Variants in CFAP47 observed in about 807,000 individuals in gnomAD.
CFAP47 encodes cilia- and flagella-associated protein 47.
A neutral mutation model predicts 148.1 loss-of-function variants in CFAP47; 29 were observed. That is an observed-to-expected ratio of 0.20 (90% confidence interval 0.15 to 0.27). The LOEUF (loss-of-function observed/expected upper bound fraction) is 0.27. Ranked by LOEUF, CFAP47 falls within the 10% of genes least tolerant of loss-of-function variation. CFAP47 has a pLI of 1.00. For synonymous variants in CFAP47, 664 were observed against 577.3 expected, an observed-to-expected ratio of 1.15 and a Z score of -2.15; for missense variants, 1,872 against 1,697.5, an observed-to-expected ratio of 1.10 and a Z score of -1.81.
chrX:36,376,266 C>CT (rs1484318344), intron 62 of CFAP47, among the ~76,000 whole-genome samples: 1 of 112,047 alleles, frequency 8.9e-6, no homozygotes, highest in Non-Finnish European at 1.9e-5. Flanking sequence ...TGGTTTATTT[C>CT]TTTTTTCAGA....
At chrX:36,162,253 A>G (rs1325557680) in intron 39 of CFAP47, among the ~76,000 whole-genome samples, 4 of 112,097 alleles carry the variant, frequency 3.6e-5, no homozygotes, top group East Asian at 2.8e-4. Context: ...GATTTTAACT[A>G]TATCCTTCCT....
intron 30 of CFAP47, among the ~76,000 whole-genome samples, chrX:36,087,320 G>A (rs765794675): frequency 1.8e-5 from 2 of 112,419 alleles, no homozygotes; most frequent in South Asian, 7.4e-4. Flanking sequence ...CATCTGGCAT[G>A]GATAGGTGGG....
At chrX:36,290,893 TA>T (rs1239803913) in intron 51 of CFAP47, among the ~76,000 whole-genome samples, 1 of 112,624 alleles carries the variant, frequency 8.9e-6, no homozygotes, top group African/African-American at 3.2e-5. Flanking sequence ...ATTTATTCTT[TA>T]TTGGTTATTA....
At position 36,020,485 on chromosome X, in the gene CFAP47, A is replaced by C. The variant is rs1437234002; in HGVS notation, c.3556+5573A>C. The stretch of plus-strand genomic sequence containing the variant: ...CAGATCTATTTGTTTCTTTAGGTCT[A>C]ATAATATTTGCTTTGTATATCTGAG... On this transcript the variant is annotated intron_variant, in intron 22 of 63. Coordinates refer to ENST00000378653, the MANE Select transcript of CFAP47 (RefSeq NM_001304548.2). Among the ~76,000 whole-genome samples, 4 of 111,927 alleles carry C rather than the reference A, an allele frequency of 3.6e-5. 1 individual carries two copies. The highest frequency in any genetic ancestry group is 3.2e-5 in the African/African-American group (1 of 30,790).
chrX:36,012,063 A>G (rs1286977571), intron 21 of CFAP47, among the ~76,000 whole-genome samples: 1 of 111,962 alleles, frequency 8.9e-6, no homozygotes, highest in African/African-American at 3.3e-5. Context: ...AAGCATTAAA[A>G]AAACATCATC....
At position 35,919,777 on chromosome X, in the gene CFAP47, T is replaced by C. The variant is rs769951761; in HGVS notation, c.-23T>C. On this transcript the variant is annotated 5_prime_UTR_variant, in exon 1 of 64. Transcript: ENST00000378653. ...TTGGCCGGACGGATCCACATCTGTT[T>C]TCTGGCTACCGAGAGGGCAGCCATG... The C allele has an allele frequency of 3.2e-5, 38 of 1,186,622 alleles. No homozygotes were observed. The highest frequency in any genetic ancestry group is 3.7e-5 in the Non-Finnish European group (33 of 880,909).
intron 7 of CFAP47, 39 bp from the exon 8 acceptor site, chrX:35,955,922 A>G (rs1166408661): frequency 8.4e-7 from 1 of 1,196,908 alleles, no homozygotes; most frequent in African/African-American, 1.8e-5. Flanking sequence ...GGATTCCCCA[A>G]ACACTTTTTA....
At position 35,941,301 on chromosome X, in the gene CFAP47, A is replaced by G; in HGVS notation, c.420A>G (p.Gln140=). The change falls in exon 3 of 64, where the codon CAA becomes CAG. Residue 140 remains glutamine, a synonymous_variant. Transcript: ENST00000378653. ...TCCCTAGGTTGATTCCATCCTGTCA[A>G]TTGGAAATTGAATCAGTAGTTAATT... ...IPLIGLIPSC[Q]LEIESVVNFG... is the part of the protein sequence containing the mutation. 1 of 1,160,308 alleles carries G rather than the reference A, an allele frequency of 8.6e-7. No individual in the cohort carries two copies.
intron 3 of CFAP47, among the ~76,000 whole-genome samples, chrX:35,944,316 A>G (rs975413608): frequency 9.0e-6 from 1 of 111,269 alleles, no homozygotes; most frequent in African/African-American, 3.3e-5. Context: ...GCATCTCCAT[A>G]TATTCTTCAT....
chrX:36,368,444 G>C (rs1394137456), intron 62 of CFAP47, among the ~76,000 whole-genome samples: 5 of 110,961 alleles, frequency 4.5e-5, no homozygotes, highest in Admixed American at 9.7e-5. Context: ...GGTAAAGTCA[G>C]TTAAATTTAG....
chrX:36,117,986 A>G (rs759396173), intron 33 of CFAP47, among the ~76,000 whole-genome samples: 2 of 111,748 alleles, frequency 1.8e-5, no homozygotes, highest in Non-Finnish European at 3.8e-5. Context: ...AGAACCATTT[A>G]TTGAAGAGAC....
chrX:36,274,511 A>T (rs1556002348), intron 49 of CFAP47, among the ~76,000 whole-genome samples: 6 of 111,671 alleles, frequency 5.4e-5, no homozygotes. Flanking sequence ...TTGCAAATTG[A>T]GGGGCATCTA....
At chrX:36,312,353 G>C (rs1460228144) in intron 56 of CFAP47, among the ~76,000 whole-genome samples, 1 of 111,147 alleles carries the variant, frequency 9.0e-6, no homozygotes, top group African/African-American at 3.3e-5. Context: ...AATTTGAAGA[G>C]TGGAGTGGTG....
intron 49 of CFAP47, among the ~76,000 whole-genome samples, chrX:36,274,785 G>GA (rs1313018448): frequency 1.3e-4 from 15 of 111,426 alleles, no homozygotes; most frequent in Non-Finnish European, 2.5e-4. Context: ...CATATAAAAA[G>GA]AAAAAAATAT....
intron 55 of CFAP47, among the ~76,000 whole-genome samples, chrX:36,308,340 T>A (rs1475769455): frequency 9.0e-6 from 1 of 111,463 alleles, no homozygotes; most frequent in African/African-American, 3.2e-5. Context: ...TGATTAGACT[T>A]CAATCAATAA....
chrX:36,078,817 G>T (rs915387186), intron 29 of CFAP47, among the ~76,000 whole-genome samples: 2 of 110,687 alleles, frequency 1.8e-5, no homozygotes, highest in Non-Finnish European at 3.8e-5. Context: ...GCTGGTACCG[G>T]TTGTTCCTTT....
At chrX:36,245,747 A>G (rs1246554708) in intron 48 of CFAP47, among the ~76,000 whole-genome samples, 1 of 111,618 alleles carries the variant, frequency 9.0e-6, no homozygotes, top group African/African-American at 3.3e-5. Context: ...AGAGTAGAAA[A>G]CCCAGAAATA....
At chrX:36,371,629 T>C (rs1420092321) in intron 62 of CFAP47, among the ~76,000 whole-genome samples, 1 of 91,163 alleles carries the variant, frequency 1.1e-5, no homozygotes, top group African/African-American at 3.9e-5. Context: ...GTAATATATG[T>C]GTATATACAC....
At chrX:36,021,235 GTC>G (rs1937154250) in intron 22 of CFAP47, among the ~76,000 whole-genome samples, 1 of 111,212 alleles carries the variant, frequency 9.0e-6, no homozygotes, top group African/African-American at 3.3e-5. Flanking sequence ...TCATCATTTA[GTC>G]TATGTAAGAG....
Sources: allele counts gnomAD v4.1 joint callset (sites outside exome capture counted in the v4.1 genomes callset), GRCh38; gene constraint gnomAD v4.1.1; transcripts MANE v1.5; gene names NCBI Gene and HGNC (gene_info 2026-07-23, HGNC 2026-07-21).